FN1: variants seen among roughly 807,000 people sequenced by gnomAD.
The protein encoded by FN1 is fibronectin.
FN1 carries 106 observed loss-of-function variants against 297.3 expected under a neutral mutation model. The ratio of observed to expected loss-of-function variants is 0.36; its 90% CI spans 0.30 to 0.42. FN1 has a LOEUF of 0.42. FN1 is among the 10% of genes least tolerant of loss of function. FN1 has a pLI of 1.00. For synonymous variants in FN1, 1,149 were observed against 1,152.6 expected (o/e 1.00, Z 0.06); for missense variants, 2,690 against 3,124.9 (o/e 0.86, Z 3.32).
chr2:215,379,672 A>G (rs944619520), intron 33 of FN1: 2 of 251,318 alleles, frequency 8.0e-6, no homozygotes, highest in South Asian at 9.7e-5. Context: ...AAAATAAGCA[A>G]TGGCCCTTTT....
At chr2:215,395,266 C>A (rs1561301) in intron 23 of FN1, among the ~76,000 whole-genome samples, 1 of 151,928 alleles carries the variant, frequency 6.6e-6, no homozygotes, top group Non-Finnish European at 1.5e-5. Context: ...AACAAAAGTG[C>A]TGATACTTAT....
Position 215,391,668 on chromosome 2 carries a change from A to T in FN1, c.4216T>A (p.Ser1406Thr). The stretch of plus-strand genomic sequence containing the variant: ...ACTGCATTGTCTGAAGGAGAAATTG[A>T]CAACTCTGCAACATCTTCCTCATTT... ...VKNEEDVAEL[S>T]ISPSDNAVVL... The change falls in exon 26 of 46, where the codon TCA (serine) becomes ACA (threonine). Residue 1406 changes from serine to threonine, a missense_variant. By Grantham distance (58) the Ser-to-Thr change is moderately conservative. Coordinates refer to ENST00000354785, the MANE Select transcript of FN1 (RefSeq NM_212482.4). The T allele has an allele frequency of 6.2e-7, 1 of 1,614,142 alleles. No homozygotes were observed. The highest frequency in any genetic ancestry group is 8.5e-7 in the Non-Finnish European group (1 of 1,179,986).
chr2:215,375,124 C>T lies in FN1; in HGVS notation c.6157+90G>A, dbSNP rs532890052. 7 of 1,286,464 alleles carry T rather than the reference C, an allele frequency of 5.4e-6. No homozygotes were observed. The Admixed American group carries it at 1.0e-4, about 19-fold the overall frequency. The allele number at this position is 1,286,464 out of a possible 1,614,324, so 79.7% of individuals were successfully genotyped here. On this transcript the variant is annotated intron_variant, in intron 38 of 45. Transcript: ENST00000354785. ...GGAACAGAGTTTCGCATTCTCATGA[C>T]ACAGTATCAAAGACGCTGTGGGAGT...
In FN1 at chr2:215,425,087, T is replaced by C. The variant is rs757063692; in HGVS notation, c.1036+7A>G. On this transcript the variant is annotated splice_region_variant and intron_variant, in intron 7 of 45. Transcript: ENST00000354785. ...TCAGTCCTATTCTTCAAAAAGATAA[T>C]GCATACCTGTCTCTTGGCAGCTGAC... 29 of 1,613,208 alleles carry C rather than the reference T, an allele frequency of 1.8e-5. 1 individual carries two copies. The South Asian group carries it at 2.9e-4, about 16-fold the overall frequency.
chr2:215,377,462 TCC>T (rs908302274), intron 35 of FN1, among the ~76,000 whole-genome samples: 1 of 150,226 alleles, frequency 6.7e-6, no homozygotes, highest in East Asian at 1.9e-4. Context: ...TATAAGGTCC[TCC>T]CCCCCCAACT....
intron 38 of FN1, among the ~76,000 whole-genome samples, chr2:215,374,161 C>G (rs1345416499): frequency 6.6e-6 from 1 of 152,112 alleles, no homozygotes; most frequent in Admixed American, 6.5e-5. Context: ...AAAAGTGAAA[C>G]TAAAGGCAAG....
chr2:215,363,363 T>C lies in FN1; in HGVS notation c.7252-1284A>G, dbSNP rs76186404. On this transcript the variant is annotated intron_variant, in intron 44 of 45. Transcript: ENST00000354785. ...TCTAAGGTCATACAATCACAGTCGT[T>C]GTAAGTGTTAATGGGAGAGAGAGAG... 36 of 149,570 alleles carry C rather than the reference T, an allele frequency of 2.4e-4. No homozygotes were observed. In the East Asian group the frequency reaches 7.4e-3, roughly 31 times the overall value. 9.3% of individuals were successfully genotyped at this position (149,570 alleles called of 1,614,324 possible). A position where few individuals can be genotyped will look rare whatever the true frequency, so the allele number is the denominator to read the frequency against.
At chr2:215,392,260 CAG>C in intron 25 of FN1, 1 of 198,808 alleles carries the variant, frequency 5.0e-6, no homozygotes, top group South Asian at 8.8e-5. Context: ...CAGTTCCATT[CAG>C]TGAATTCTAC....
chr2:215,408,610 C>T (rs892521836), intron 15 of FN1, among the ~76,000 whole-genome samples, 184 bp from the exon 16 acceptor site: 1 of 152,170 alleles, frequency 6.6e-6, no homozygotes, highest in African/African-American at 2.4e-5. Context: ...CTGTGTTGCC[C>T]AGGCTGGAGT....
chr2:215,385,081 A>G (rs2058731533), intron 28 of FN1, 105 bp from the exon 29 acceptor site: 9 of 812,874 alleles, frequency 1.1e-5, no homozygotes, highest in Non-Finnish European at 1.9e-5. Context: ...CTTCCATACA[A>G]TCATGTAAAT....
intron 29 of FN1, 65 bp downstream of exon 29, chr2:215,384,795 C>T: frequency 1.8e-6 from 2 of 1,139,920 alleles, no homozygotes; most frequent in East Asian, 2.4e-5. Context: ...CACTGTTGGG[C>T]TTTCAGGTTA....
chr2:215,418,815 C>T (rs920881549), intron 12 of FN1, among the ~76,000 whole-genome samples: 2 of 152,172 alleles, frequency 1.3e-5, no homozygotes, highest in African/African-American at 4.8e-5. Context: ...GCTTAGATGA[C>T]ATGTTGAATG....
chr2:215,382,196 A>C lies in FN1; in HGVS notation c.5164+16T>G. 6.4e-7 allele frequency: 1 copy of C among 1,558,968 alleles called. No homozygotes were observed. Among genetic ancestry groups the C allele is most frequent in the South Asian group, 1.1e-5 (1 of 90,012 alleles). On this transcript the variant is annotated intron_variant, in intron 32 of 45. Coordinates refer to ENST00000354785, the MANE Select transcript of FN1 (RefSeq NM_212482.4). ...AATTTGACTTTGAAAATGGAAACCA[A>C]GCAGTGGTTACGTACTGGTTACTGC...
Position 215,433,352 on chromosome 2 carries a change from C to T in FN1, c.387G>A (p.Gly129=). The change falls in exon 3 of 46, where the codon GGG becomes GGA. Residue 129 remains glycine (G), a synonymous_variant. Coordinates refer to ENST00000354785, the MANE Select transcript of FN1 (RefSeq NM_212482.4). The stretch of plus-strand genomic sequence containing the variant: ...CGATGGTACAGCTTATTCTCCCTCG[C>T]CCAGCCCCGATGCAGGTACAGTCCC... ...MIWDCTCIGA[G]RGRISCTIAN... The T allele has an allele frequency of 1.2e-6, 2 of 1,614,188 alleles. No homozygotes were observed. The highest frequency in any genetic ancestry group is 1.7e-5 in the Admixed American group (1 of 60,026).
chr2:215,372,584 A>G (rs1191552526), intron 39 of FN1: 4 of 603,998 alleles, frequency 6.6e-6, no homozygotes, highest in Non-Finnish European at 1.2e-5. Context: ...TTTAGAAAGA[A>G]AAAAGTGTTA....
At chr2:215,393,321 G>A in intron 24 of FN1, 118 bp from the exon 25 acceptor site, 2 of 929,638 alleles carry the variant, frequency 2.2e-6, no homozygotes, top group Non-Finnish European at 3.2e-6. Flanking sequence ...GAATGTTAAA[G>A]CAATGATGGT....
At chr2:215,404,696 A>G (rs1445482630) in intron 19 of FN1, 41 bp from the exon 20 acceptor site, 2 of 1,571,008 alleles carry the variant, frequency 1.3e-6, no homozygotes, top group South Asian at 1.1e-5. Context: ...TATTTAGATC[A>G]GTAATGATCA....
intron 6 of FN1, among the ~76,000 whole-genome samples, chr2:215,427,743 AC>A (rs574142222): frequency 6.6e-6 from 1 of 152,350 alleles, no homozygotes; most frequent in South Asian, 2.1e-4. Flanking sequence ...AAACAAACAA[AC>A]AAAAAATCCA....
intron 7 of FN1, 138 bp downstream of exon 7, chr2:215,424,956 C>T: frequency 1.2e-6 from 1 of 806,466 alleles, no homozygotes; most frequent in Non-Finnish European, 2.1e-6. Flanking sequence ...ATTTCAAATG[C>T]CAACCCTAAT....
Sources: allele counts gnomAD v4.1 joint callset (sites outside exome capture counted in the v4.1 genomes callset), GRCh38; gene constraint gnomAD v4.1.1; transcripts MANE v1.5; gene names NCBI Gene and HGNC (gene_info 2026-07-23, HGNC 2026-07-21).